RASSF8: variants seen among roughly 807,000 people sequenced by gnomAD.
RASSF8 encodes ras association domain-containing protein 8.
RASSF8 carries 22 observed loss-of-function variants against 48.5 expected under a neutral mutation model. That is an observed-to-expected ratio of 0.45 (90% CI 0.32 to 0.65). The LOEUF is 0.65. Among genes scored for constraint, RASSF8 ranks in the 30% least tolerant of loss-of-function variants. The pLI, the probability that RASSF8 is intolerant of heterozygous loss-of-function variation, is 0.03. For synonymous variants in RASSF8, 127 were observed against 171.5 expected (o/e 0.74, Z 2.03); for missense variants, 418 against 489.2 (o/e 0.85, Z 1.37).
At chr12:26,023,828 T>C (rs889362247) in intron 2 of RASSF8, among the ~76,000 whole-genome samples, 4 of 152,180 alleles carry the variant, frequency 2.6e-5, no homozygotes, top group African/African-American at 4.8e-5. Context: ...GGAGATGTAA[T>C]ATATTTCATA....
At chr12:25,968,848 G>T (rs989386830) in intron 1 of RASSF8, among the ~76,000 whole-genome samples, 2 of 152,214 alleles carry the variant, frequency 1.3e-5, no homozygotes, top group African/African-American at 2.4e-5. Context: ...AAGGTGGGGG[G>T]ATTGAAAATG....
In RASSF8 at chr12:26,055,254, T is replaced by C; in HGVS notation, c.-90T>C. Reference sequence around the variant, plus strand: ...TTTTTAGCTGACTACACAGACTTAGTCTTCTCCACTCCGTGTTCCTGCAGC... The same window carrying C: ...TTTTTAGCTGACTACACAGACTTAGCCTTCTCCACTCCGTGTTCCTGCAGC... On this transcript the variant is annotated 5_prime_UTR_variant, in exon 3 of 6. Coordinates refer to ENST00000689635, the MANE Select transcript of RASSF8 (RefSeq NM_001394098.1). The C allele has an allele frequency of 1.9e-6, 2 of 1,031,142 alleles. No homozygotes were observed. Among genetic ancestry groups the C allele is most frequent in the East Asian group, 4.7e-5 (2 of 42,128 alleles). The allele number at this position is 1,031,142 out of a possible 1,614,324, so 63.9% of individuals were successfully genotyped here. A position where few individuals can be genotyped will look rare whatever the true frequency, so the allele number is the denominator to read the frequency against.
Position 26,057,945 on chromosome 12 carries a change from C to A in RASSF8, c.103+2499C>A, listed in dbSNP as rs189968333. ...TGTCTTCTTTTGAGAAGTGTCTGTTCATATCCTTTGCCCACTTTTATGGGG... is the reference window on the plus strand; with the variant it reads ...TGTCTTCTTTTGAGAAGTGTCTGTTAATATCCTTTGCCCACTTTTATGGGG... On this transcript the variant is annotated intron_variant, in intron 3 of 5. Transcript: ENST00000689635. Among the ~76,000 whole-genome samples the A allele has an allele frequency of 4.3e-3, 650 of 152,262 alleles. 6 individuals are homozygous for A. Among genetic ancestry groups the A allele is most frequent in the African/African-American group, 0.015 (612 of 41,552 alleles).
At chr12:25,985,825 C>T (rs1941860611) in intron 1 of RASSF8, among the ~76,000 whole-genome samples, 1 of 152,126 alleles carries the variant, frequency 6.6e-6, no homozygotes, top group Non-Finnish European at 1.5e-5. Context: ...GTTAGGAGCA[C>T]AGATTGCAGC....
At position 26,072,079 on chromosome 12, in the gene RASSF8, G is replaced by T. The variant is rs1305015451; in HGVS notation, c.*3261G>T. ...ACTTTTGATTTCAGGCATGCAAAGT[G>T]CTTGGGCAGATGGACAGTTCCCATT... On this transcript the variant is annotated 3_prime_UTR_variant, in exon 6 of 6. Coordinates refer to ENST00000689635, the MANE Select transcript of RASSF8 (RefSeq NM_001394098.1). 3 of 985,254 alleles carry T rather than the reference G, an allele frequency of 3.0e-6. No homozygotes were observed. The highest frequency in any genetic ancestry group is 3.5e-5 in the African/African-American group (2 of 57,238). 61.0% of individuals were successfully genotyped at this position (985,254 alleles called of 1,614,324 possible).
intron 1 of RASSF8, among the ~76,000 whole-genome samples, chr12:25,963,209 A>G (rs1182786325): frequency 6.6e-6 from 1 of 151,964 alleles, no homozygotes; most frequent in African/African-American, 2.4e-5. Flanking sequence ...ACCAGACATC[A>G]CTGGACCATA....
At chr12:26,054,427 T>C (rs866138612) in intron 2 of RASSF8, among the ~76,000 whole-genome samples, 8 of 152,242 alleles carry the variant, frequency 5.3e-5, no homozygotes, top group Admixed American at 2.0e-4. Flanking sequence ...TTAATGTTTA[T>C]ATTTTTTGAA....
At chr12:26,040,539 G>C (rs1032801811) in intron 2 of RASSF8, among the ~76,000 whole-genome samples, 46 of 152,168 alleles carry the variant, frequency 3.0e-4, no homozygotes, top group Non-Finnish European at 2.9e-5. Flanking sequence ...TTGAGAACCA[G>C]GTCAGTAGAA....
intron 1 of RASSF8, among the ~76,000 whole-genome samples, chr12:25,986,059 T>C (rs183601233): frequency 5.3e-4 from 81 of 152,352 alleles, no homozygotes; most frequent in African/African-American, 1.9e-3. Flanking sequence ...TTTTTTTCTA[T>C]GCTGGCTTGT....
At chr12:26,054,574 C>T (rs1591806112) in intron 2 of RASSF8, among the ~76,000 whole-genome samples, 1 of 152,142 alleles carries the variant, frequency 6.6e-6, no homozygotes, top group East Asian at 1.9e-4. Context: ...TGCCCTCATG[C>T]TGTGCCTGGT....
At chr12:26,072,903 T>C, downstream of RASSF8, 2 of 805,056 alleles carry the variant, frequency 2.5e-6, no homozygotes, top group Non-Finnish European at 3.0e-6. Context: ...ACATCCTTTA[T>C]ATTTTTAAAT....
At chr12:26,060,323 A>G (rs1001228927) in intron 3 of RASSF8, among the ~76,000 whole-genome samples, 1 of 152,206 alleles carries the variant, frequency 6.6e-6, no homozygotes, top group Non-Finnish European at 1.5e-5. Context: ...TTGAATGCAC[A>G]ACTGGCTGAC....
intron 2 of RASSF8, among the ~76,000 whole-genome samples, chr12:26,034,657 T>C (rs999385577): frequency 2.6e-5 from 4 of 152,128 alleles, no homozygotes; most frequent in African/African-American, 9.7e-5. Context: ...CCTATTCCTT[T>C]TCCTCCAGCA....
intron 2 of RASSF8, among the ~76,000 whole-genome samples, chr12:26,038,614 C>G (rs1341866691): frequency 9.5e-5 from 2 of 21,022 alleles, no homozygotes; most frequent in African/African-American, 3.5e-4. Context: ...TTAAAACACA[C>G]ACACACACAC....
At chr12:26,014,036 A>G (rs1942588534) in intron 2 of RASSF8, among the ~76,000 whole-genome samples, 1 of 152,156 alleles carries the variant, frequency 6.6e-6, no homozygotes, top group Admixed American at 6.5e-5. Context: ...GAGAGTGTGG[A>G]CCTTTGTTGC....
chr12:26,054,415 G>A (rs931498013), intron 2 of RASSF8, among the ~76,000 whole-genome samples: 10 of 152,198 alleles, frequency 6.6e-5, no homozygotes, highest in East Asian at 1.9e-4. Flanking sequence ...TAGAACAAAC[G>A]GTTAATGTTT....
chr12:25,969,338 C>T (rs1489125764), intron 1 of RASSF8, among the ~76,000 whole-genome samples: 1 of 152,016 alleles, frequency 6.6e-6, no homozygotes, highest in Non-Finnish European at 1.5e-5. Flanking sequence ...TGTGCCTTAT[C>T]GGTAAAATGG....
chr12:26,050,199 A>C (rs1316686686), intron 2 of RASSF8, among the ~76,000 whole-genome samples: 3 of 152,232 alleles, frequency 2.0e-5, no homozygotes, highest in Non-Finnish European at 4.4e-5. Flanking sequence ...TACAATTTCT[A>C]ATATCTGCTT....
chr12:25,970,482 A>G (rs1345944875), intron 1 of RASSF8, among the ~76,000 whole-genome samples: 1 of 152,038 alleles, frequency 6.6e-6, no homozygotes, highest in African/African-American at 2.4e-5. Flanking sequence ...AATTTTCTCC[A>G]TCTTCCATCA....
Sources: gnomAD v4.1 joint callset for allele counts (sites outside exome capture counted in the v4.1 genomes callset) on GRCh38, gnomAD v4.1.1 for gene constraint, MANE v1.5 for transcripts, NCBI Gene and HGNC (gene_info 2026-07-23, HGNC 2026-07-21) for gene names.